The following MCTP2 variants were observed in gnomAD, a reference collection of about 807,000 sequenced individuals.
MCTP2 encodes multiple C2 and transmembrane domain-containing protein 2.
In MCTP2, 132 loss-of-function variants were observed where a neutral mutation model predicts 111.6. The observed-to-expected ratio is 1.18, with a 90% CI of 1.03 to 1.37. The LOEUF is 1.37. MCTP2 is among the 40% of genes most tolerant of loss of function. The probability of loss-of-function intolerance (pLI) is 0.00; values close to 1 mark genes in which losing one functional copy is unlikely to be tolerated. For missense variants in MCTP2, 1,183 were observed against 1,067.9 expected (o/e 1.11, Z -1.50); for synonymous variants, 395 against 387.7 (o/e 1.02, Z -0.22).
intron 17 of MCTP2, among the ~76,000 whole-genome samples, chr15:94,434,322 C>T (rs989133687): frequency 6.6e-6 from 1 of 152,018 alleles, no homozygotes; most frequent in Non-Finnish European, 1.5e-5. Flanking sequence ...AAACAGACCT[C>T]CCACCTTGGC....
chr15:94,246,246 A>T (rs2071997316), intron 1 of MCTP2, among the ~76,000 whole-genome samples: 1 of 152,182 alleles, frequency 6.6e-6, no homozygotes, highest in South Asian at 2.1e-4. Context: ...CTTAAAGGTC[A>T]AGTATTTGGA....
chr15:94,460,245 A>G (rs921157029), intron 20 of MCTP2, among the ~76,000 whole-genome samples: 1 of 152,194 alleles, frequency 6.6e-6, no homozygotes, highest in Non-Finnish European at 1.5e-5. Flanking sequence ...AAACAGAAGA[A>G]ACTTATCAGC....
rs182595113 is a variant in MCTP2, at chr15:94,384,081, G to A, written c.1642G>A (p.Val548Ile). ...LGNDRLQTHTVYKNLNPEWNK... is the reference protein window; with the variant it reads ...LGNDRLQTHTIYKNLNPEWNK... ...CAATGACCGACTTCAGACGCATACC[G>A]TCTACAAAAACCTCAACCCTGAATG... The change falls in exon 13 of 23, where the codon GTC becomes ATC. Residue 548 changes from valine to isoleucine, a missense_variant. By Grantham distance (29) the Val-to-Ile change is conservative. Coordinates refer to ENST00000357742, the MANE Select transcript of MCTP2 (RefSeq NM_001385001.1). 4.2e-5 allele frequency: 68 copies of A among 1,613,826 alleles called. No homozygotes were observed. In the East Asian group the frequency reaches 8.5e-4, roughly 20 times the overall value.
chr15:94,466,382 A>G (rs1486809839), intron 20 of MCTP2, among the ~76,000 whole-genome samples: 1 of 152,076 alleles, frequency 6.6e-6, no homozygotes, highest in Non-Finnish European at 1.5e-5. Context: ...TGTTTAAGTC[A>G]CCTTGGGATA....
At chr15:94,241,180 C>G (rs2070926617) in intron 1 of MCTP2, among the ~76,000 whole-genome samples, 1 of 151,808 alleles carries the variant, frequency 6.6e-6, no homozygotes, top group Non-Finnish European at 1.5e-5. Flanking sequence ...GATGTGAGAG[C>G]AAATGCAGAG....
At chr15:94,393,323 A>G (rs376913234) in intron 14 of MCTP2, among the ~76,000 whole-genome samples, 34 of 152,360 alleles carry the variant, frequency 2.2e-4, no homozygotes, top group East Asian at 1.3e-3. Context: ...AGGGCTTGAG[A>G]GAGGACTAAT....
chr15:94,429,842 C>T (rs374725664), intron 17 of MCTP2, among the ~76,000 whole-genome samples: 5 of 152,180 alleles, frequency 3.3e-5, no homozygotes, highest in African/African-American at 1.2e-4. Context: ...CTAATTGGCA[C>T]CTCATACTCC....
At chr15:94,280,738 C>T (rs931720749) in intron 1 of MCTP2, among the ~76,000 whole-genome samples, 4 of 152,096 alleles carry the variant, frequency 2.6e-5, no homozygotes, top group African/African-American at 9.7e-5. Flanking sequence ...TAGCATTACA[C>T]ACTTTCATCT....
chr15:94,451,942 A>G (rs763911278), intron 19 of MCTP2, among the ~76,000 whole-genome samples: 3 of 152,212 alleles, frequency 2.0e-5, no homozygotes, highest in African/African-American at 4.8e-5. Flanking sequence ...GGAATATGCT[A>G]GGTACTTTAC....
Position 94,458,052 on chromosome 15 carries a change from T to C in MCTP2, c.2251-85T>C, listed in dbSNP as rs144656331. 9.1e-3 allele frequency: 6,929 copies of C among 757,680 alleles called. 58 individuals carry two copies. The highest frequency in any genetic ancestry group is 0.012 in the Non-Finnish European group (5,077 of 439,702). 46.9% of individuals were successfully genotyped at this position (757,680 alleles called of 1,614,324 possible). ...TGTCACTCTATTGGTAAAAACCTTG[T>C]TATTATAACATGTTATAATATTTTC... On this transcript the variant is annotated intron_variant, in intron 19 of 22. Transcript: ENST00000357742.
rs1331031996 is a variant in MCTP2 at position 94,399,998 on chromosome 15, G to A, written c.1965+3G>A. The A allele has an allele frequency of 1.2e-6, 2 of 1,613,674 alleles. No individual in the cohort carries two copies. The highest frequency in any genetic ancestry group is 4.5e-5 in the East Asian group (2 of 44,880). On this transcript the variant is annotated splice_donor_region_variant and intron_variant, in intron 16 of 22. Coordinates refer to ENST00000357742, the MANE Select transcript of MCTP2 (RefSeq NM_001385001.1). The stretch of plus-strand genomic sequence containing the variant: ...ACAGCCGCAAGCTGTCCAAAAAGGT[G>A]GGTCGCTACAGTAGGTGGCTTGTTG...
intron 12 of MCTP2, among the ~76,000 whole-genome samples, chr15:94,375,556 C>G (rs555364022): frequency 5.3e-4 from 81 of 152,206 alleles, no homozygotes; most frequent in Non-Finnish European, 1.0e-3. Context: ...TTTTGGCACC[C>G]TTTGCCATTA....
chr15:94,302,322 A>G (rs1454294359), intron 2 of MCTP2, among the ~76,000 whole-genome samples: 3 of 152,204 alleles, frequency 2.0e-5, no homozygotes, highest in African/African-American at 4.8e-5. Flanking sequence ...AATATCAGCA[A>G]TGCCTGAATT....
chr15:94,340,494 A>G (rs2077577774), intron 6 of MCTP2, among the ~76,000 whole-genome samples: 1 of 152,212 alleles, frequency 6.6e-6, no homozygotes, highest in Non-Finnish European at 1.5e-5. Context: ...AATGCATTCT[A>G]AAGTGTGTAT....
intron 4 of MCTP2, among the ~76,000 whole-genome samples, chr15:94,329,000 C>G (rs1056803682): frequency 2.6e-5 from 4 of 152,176 alleles, no homozygotes; most frequent in African/African-American, 9.7e-5. Flanking sequence ...ATCAGAGTCA[C>G]TAAGCTTTTT....
chr15:94,260,395 G>A (rs2073113681), intron 1 of MCTP2, among the ~76,000 whole-genome samples: 1 of 152,122 alleles, frequency 6.6e-6, no homozygotes, highest in African/African-American at 2.4e-5. Flanking sequence ...TTGATAGGCT[G>A]GCATTCTTTC....
At chr15:94,378,685 C>T (rs905104030) in intron 12 of MCTP2, among the ~76,000 whole-genome samples, 1 of 152,176 alleles carries the variant, frequency 6.6e-6, no homozygotes, top group Non-Finnish European at 1.5e-5. Context: ...CTAGTATGGA[C>T]CTGTCTGCCC....
intron 20 of MCTP2, among the ~76,000 whole-genome samples, chr15:94,464,530 TCTC>T (rs929999209): frequency 2.0e-5 from 3 of 151,616 alleles, no homozygotes; most frequent in African/African-American, 4.8e-5. Context: ...TCACTAATCT[TCTC>T]TATTTCCTGC....
chr15:94,320,283 C>A (rs2076569736), intron 4 of MCTP2, among the ~76,000 whole-genome samples: 1 of 152,060 alleles, frequency 6.6e-6, no homozygotes, highest in East Asian at 1.9e-4. Flanking sequence ...GTTGGGACTA[C>A]AGGCACCCGC....
Sources: allele counts gnomAD v4.1 joint callset (sites outside exome capture counted in the v4.1 genomes callset), GRCh38; gene constraint gnomAD v4.1.1; transcripts MANE v1.5; gene names NCBI Gene and HGNC (gene_info 2026-07-23, HGNC 2026-07-21).